The following AUTS2 variants were observed in gnomAD, a reference collection of about 807,000 sequenced individuals.
The protein encoded by AUTS2 is autism susceptibility gene 2 protein.
Under a neutral mutation model 112.4 loss-of-function variants are expected in AUTS2, and 17 were observed. The observed-to-expected ratio is 0.15, with a 90% CI of 0.10 to 0.23. The LOEUF (loss-of-function observed/expected upper bound fraction) is 0.23, where lower values mean the gene tolerates loss of function less well. Ranked by LOEUF, AUTS2 falls within the 10% of genes least tolerant of loss-of-function variation. The probability of loss-of-function intolerance (pLI) is 1.00; values close to 1 mark genes in which losing one functional copy is unlikely to be tolerated. For synonymous variants in AUTS2, 751 were observed against 702.7 expected (o/e 1.07, Z -1.09); for missense variants, 1,510 against 1,701.6 (o/e 0.89, Z 1.98).
At chr7:69,613,411 G>GT (rs1297398677) in intron 1 of AUTS2, among the ~76,000 whole-genome samples, 1 of 152,172 alleles carries the variant, frequency 6.6e-6, no homozygotes. Context: ...ATTCGTTGTT[G>GT]TTTTTTCTCT....
rs1056492547 is a variant in AUTS2 at position 70,790,175 on chromosome 7, A to G, written c.2959A>G (p.Lys987Glu). Residue 987 changes from lysine (K) to glutamate (E), a missense_variant, in exon 19 of 19, where the codon AAG (lysine) becomes GAG (glutamate). Lys to Glu is a moderately conservative substitution (Grantham distance 56, BLOSUM62 1). This residue lies in a region of AUTS2 where 788 missense variants were observed against 797.6 expected (regional missense o/e 0.99). Coordinates refer to ENST00000342771, the MANE Select transcript of AUTS2 (RefSeq NM_015570.4). The surrounding 1 kb of genome is among the most constrained non-coding windows in gnomAD (Gnocchi z 7.6). Reference sequence around the variant, plus strand: ...CGAGGTCAAGGTGAAGGAGGAGCGGAAGGAAGACCATGACCTGCCTCCAGA... The same window carrying G: ...CGAGGTCAAGGTGAAGGAGGAGCGGGAGGAAGACCATGACCTGCCTCCAGA... ...SSEVKVKEER[K>E]EDHDLPPEAP... The G allele has an allele frequency of 1.9e-6, 3 of 1,612,148 alleles. No homozygotes were observed. The Admixed American group carries it at 5.0e-5, about 27-fold the overall frequency.
intron 1 of AUTS2, among the ~76,000 whole-genome samples, chr7:69,611,384 C>A (rs1276994881): frequency 1.3e-5 from 2 of 152,182 alleles, no homozygotes; most frequent in East Asian, 3.8e-4. Flanking sequence ...TGCGATTTCA[C>A]ACCTGAATGT....
chr7:70,433,983 G>A (rs1222268651), intron 4 of AUTS2, among the ~76,000 whole-genome samples: 1 of 152,148 alleles, frequency 6.6e-6, no homozygotes, highest in Non-Finnish European at 1.5e-5. Context: ...TGGGTTCAGT[G>A]GTCCAATTCT....
chr7:70,028,261 C>T (rs1800616663), intron 2 of AUTS2, among the ~76,000 whole-genome samples: 1 of 151,972 alleles, frequency 6.6e-6, no homozygotes, highest in Admixed American at 6.5e-5. Flanking sequence ...ATTCTATGAA[C>T]CTCTTAAACT....
At chr7:70,558,258 T>C (rs1453864633) in intron 5 of AUTS2, among the ~76,000 whole-genome samples, 1 of 152,142 alleles carries the variant, frequency 6.6e-6, no homozygotes, top group Non-Finnish European at 1.5e-5. Flanking sequence ...ACAGATACTC[T>C]GCGTAAAATT....
At chr7:69,864,530 A>G (rs1311933951) in intron 1 of AUTS2, among the ~76,000 whole-genome samples, 1 of 152,232 alleles carries the variant, frequency 6.6e-6, no homozygotes, top group Non-Finnish European at 1.5e-5. Context: ...TGCAGCCATG[A>G]TGCTTGCAGA....
chr7:69,889,920 C>T (rs187398549), intron 1 of AUTS2, among the ~76,000 whole-genome samples: 44 of 152,248 alleles, frequency 2.9e-4, no homozygotes, highest in East Asian at 1.7e-3. Context: ...TTTTTGGACT[C>T]GTCCTTTGTG....
At chr7:69,997,334 C>T (rs1053939116) in intron 2 of AUTS2, among the ~76,000 whole-genome samples, 6 of 152,108 alleles carry the variant, frequency 3.9e-5, no homozygotes, top group African/African-American at 1.2e-4. Context: ...TACCTTTTCA[C>T]GTGATGGTCA....
chr7:69,944,049 A>T (rs1164966996), intron 2 of AUTS2, among the ~76,000 whole-genome samples: 1 of 152,204 alleles, frequency 6.6e-6, no homozygotes, highest in African/African-American at 2.4e-5. Flanking sequence ...TCATAGATTA[A>T]AATGAAGGCC....
chr7:70,709,159 C>G (rs1328637932), intron 6 of AUTS2, among the ~76,000 whole-genome samples: 1 of 151,724 alleles, frequency 6.6e-6, no homozygotes, highest in African/African-American at 2.4e-5. Flanking sequence ...CCTCGTGATC[C>G]GCTCACCTCG....
Position 69,762,359 on chromosome 7 carries a change from T to G in AUTS2, c.310-136927T>G, listed in dbSNP as rs377734533. Among the ~76,000 whole-genome samples the G allele has an allele frequency of 2.4e-5, 3 of 124,384 alleles. No individual in the cohort carries two copies. The East Asian group carries it at 8.1e-4, about 34-fold the overall frequency. The allele number at this position is 124,384 out of a possible 152,430, so 81.6% of individuals were successfully genotyped here. On this transcript the variant is annotated intron_variant, in intron 1 of 18. Transcript: ENST00000342771. ...TATCACCCAGTCACCCAGGTTGGAG[T>G]GCAATGGCACTATCTCGGTTCACTG...
At chr7:70,547,737 T>G (rs34996521) in intron 5 of AUTS2, among the ~76,000 whole-genome samples, 10,876 of 152,282 alleles carry the variant, frequency 0.071, 469 homozygotes, top group African/African-American at 0.1. Context: ...TTCTACTTTT[T>G]TGGCTATTAT....
intron 1 of AUTS2, among the ~76,000 whole-genome samples, chr7:69,824,950 A>T (rs1181259161): frequency 6.6e-6 from 1 of 152,238 alleles, no homozygotes; most frequent in Admixed American, 6.5e-5. Context: ...AACCTTATGC[A>T]GAAAATACTT....
At chr7:69,892,953 G>A (rs1794591244) in intron 1 of AUTS2, among the ~76,000 whole-genome samples, 2 of 152,120 alleles carry the variant, frequency 1.3e-5, no homozygotes, top group Admixed American at 1.3e-4. Context: ...CTATCTTTAT[G>A]CCAATATAGT....
At chr7:70,082,074 G>C (rs1289150099) in intron 2 of AUTS2, among the ~76,000 whole-genome samples, 1 of 151,938 alleles carries the variant, frequency 6.6e-6, no homozygotes, top group African/African-American at 2.4e-5. Flanking sequence ...TGTTTTCTCT[G>C]TGTGTGTTTG....
chr7:69,636,480 G>GACCCCCCCCCCCCCC (rs1562776075), intron 1 of AUTS2, among the ~76,000 whole-genome samples: 1 of 16,098 alleles, frequency 6.2e-5, no homozygotes, highest in African/African-American at 3.4e-4. Flanking sequence ...AGTGATCCGC[G>GACCCCCCCCCCCCCC]CCCCCCCCCC....
At chr7:69,899,638 G>A (rs772845509) in intron 2 of AUTS2, 140 bp downstream of exon 2, 14 of 766,530 alleles carry the variant, frequency 1.8e-5, no homozygotes, top group African/African-American at 1.2e-4. Flanking sequence ...AGCTGTGTGC[G>A]TGCCTTTAAA....
At chr7:69,927,799 G>A (rs1216263012) in intron 2 of AUTS2, among the ~76,000 whole-genome samples, 1 of 152,242 alleles carries the variant, frequency 6.6e-6, no homozygotes, top group Non-Finnish European at 1.5e-5. Context: ...ACCACAAGTG[G>A]CTTCCACTGT....
chr7:70,425,605 C>G (rs1302824090), intron 4 of AUTS2, among the ~76,000 whole-genome samples: 1 of 152,184 alleles, frequency 6.6e-6, no homozygotes, highest in Non-Finnish European at 1.5e-5. Flanking sequence ...CTTTGAGGGT[C>G]CTCAAGAATA....
Sources: allele counts gnomAD v4.1 joint callset (sites outside exome capture counted in the v4.1 genomes callset), GRCh38; gene constraint gnomAD v4.1.1; regional missense constraint gnomAD v4.1.1; non-coding constraint Gnocchi (gnomAD v3.1); transcripts MANE v1.5; gene names NCBI Gene and HGNC (gene_info 2026-07-23, HGNC 2026-07-21).